The following HTT variants were observed in gnomAD, a reference collection of about 807,000 sequenced individuals.
HTT encodes the protein huntington disease protein.
In HTT, 104 loss-of-function variants were observed where a neutral mutation model predicts 362.3. The ratio of observed to expected loss-of-function variants is 0.29; its 90% CI spans 0.24 to 0.34. HTT has a LOEUF of 0.34. Ranked by LOEUF, HTT falls within the 10% of genes least tolerant of loss-of-function variation. The pLI is 1.00. For missense variants in HTT, 3,301 were observed against 3,928.6 expected, an observed-to-expected ratio of 0.84 and a Z score of 4.27; for synonymous variants, 1,577 against 1,548.7, an observed-to-expected ratio of 1.02 and a Z score of -0.43.
chr4:3,206,750 C>G lies in HTT; in HGVS notation c.5899-57C>G. 1.9e-6 allele frequency: 3 copies of G among 1,586,984 alleles called. No individual in the cohort carries two copies. Among genetic ancestry groups the G allele is most frequent in the Middle Eastern group, 1.7e-4 (1 of 5,928 alleles). On this transcript the variant is annotated intron_variant, in intron 43 of 66. Coordinates refer to ENST00000355072, the MANE Select transcript of HTT (RefSeq NM_001388492.1). The surrounding 1 kb of genome is among the most constrained non-coding windows in gnomAD (Gnocchi z 4.6). ...AAAAATGGAGTATTGAAATTTTTAA[C>G]TTTAATTTCTGATTTGCAAAATAGT...
chr4:3,094,510 A>T (rs1336253247), intron 2 of HTT, among the ~76,000 whole-genome samples: 1 of 144,492 alleles, frequency 6.9e-6, no homozygotes, highest in Non-Finnish European at 1.5e-5. Context: ...GGCGCCCCCC[A>T]ACCTCCCAGA....
At chr4:3,232,780 C>T (rs1401879400) in intron 60 of HTT, among the ~76,000 whole-genome samples, 6 of 152,342 alleles carry the variant, frequency 3.9e-5, no homozygotes, top group Middle Eastern at 3.4e-3. Flanking sequence ...CGTGACAGCG[C>T]GTGTGCAGTG....
intron 29 of HTT, among the ~76,000 whole-genome samples, chr4:3,167,349 G>A (rs1358955542): frequency 6.6e-6 from 1 of 152,154 alleles, no homozygotes; most frequent in African/African-American, 2.4e-5. Context: ...GGGATCACAG[G>A]TGTCAGCCAC....
intron 61 of HTT, 61 bp from the exon 62 acceptor site, chr4:3,235,223 G>A: frequency 8.4e-7 from 1 of 1,192,188 alleles, no homozygotes; most frequent in Non-Finnish European, 1.2e-6. Context: ...CGGACATGCT[G>A]TGAAGCCCTC....
At chr4:3,205,429 G>A (rs867833160) in intron 42 of HTT, among the ~76,000 whole-genome samples, 2 of 152,002 alleles carry the variant, frequency 1.3e-5, no homozygotes, top group South Asian at 4.2e-4. Flanking sequence ...TTTATTAATA[G>A]TCACTTTTTG....
At chr4:3,169,821 G>A (rs111331630) in intron 29 of HTT, among the ~76,000 whole-genome samples, 2,297 of 152,278 alleles carry the variant, frequency 0.015, 51 homozygotes, top group African/African-American at 0.053. Context: ...TGATTCATCC[G>A]CCTCGGTCTC....
chr4:3,214,167 A>G (rs1392270627), intron 50 of HTT, 32 bp downstream of exon 50: 4 of 1,415,004 alleles, frequency 2.8e-6, no homozygotes, highest in South Asian at 1.6e-5. Context: ...GTGGGTTCCT[A>G]TCATAGTTCC....
rs1343949633 is a variant in HTT at position 3,217,784 on chromosome 4, A to G, written c.7074A>G (p.Ala2358=). The part of the protein sequence containing the change: ...PNTQNPKYIT[A]ACEMVAEMVE... ...GTTTAGATCCTAAGTATATCACTGC[A>G]GCCTGTGAGATGGTGGCAGAAATGG... Residue 2358 remains alanine, a synonymous_variant, in exon 52 of 67, where the codon GCA becomes GCG. Transcript: ENST00000355072. 6 of 1,613,700 alleles carry G rather than the reference A, an allele frequency of 3.7e-6. No homozygotes were observed. The East Asian group carries it at 1.3e-4, about 36-fold the overall frequency.
chr4:3,089,051 G>A (rs1248754735), intron 2 of HTT, among the ~76,000 whole-genome samples: 3 of 152,204 alleles, frequency 2.0e-5, no homozygotes, highest in Admixed American at 6.5e-5. Context: ...ACCTGTGTAA[G>A]CTGGGTGACT....
chr4:3,189,158 A>G lies in HTT; in HGVS notation c.5368+65A>G, dbSNP rs111524756. ...CCCATTCTGCACTATACACTCTCAG[A>G]GTGTAGGAGCTGTGCTGCCCGGTAG... is the stretch of plus-strand genomic sequence containing the variant. On this transcript the variant is annotated intron_variant, in intron 40 of 66. Transcript: ENST00000355072. 2,549 of 1,526,224 alleles carry G rather than the reference A, an allele frequency of 1.7e-3. 4 individuals are homozygous for G. Among genetic ancestry groups the G allele is most frequent in the Non-Finnish European group, 2.1e-3 (2,380 of 1,112,688 alleles). 94.5% of individuals were successfully genotyped at this position (1,526,224 alleles called of 1,614,324 possible). A position where few individuals can be genotyped will look rare whatever the true frequency, so the allele number is the denominator to read the frequency against.
chr4:3,210,051 T>C lies in HTT; in HGVS notation c.6414+102T>C, dbSNP rs566282113. The C allele has an allele frequency of 4.7e-5, 68 of 1,436,056 alleles. 1 individual carries two copies. The South Asian group carries it at 8.0e-4, about 17-fold the overall frequency. 89.0% of individuals were successfully genotyped at this position (1,436,056 alleles called of 1,614,324 possible). ...GTGACCCACTTGTTGACAACACATG[T>C]TGGGGACTCCAGTCTGGGCAGGGAC... On this transcript the variant is annotated intron_variant, in intron 47 of 66. Coordinates refer to ENST00000355072, the MANE Select transcript of HTT (RefSeq NM_001388492.1).
rs534806729 is a variant in HTT, at chr4:3,224,398, G to A, written c.7765+267G>A. Among the ~76,000 whole-genome samples the A allele has an allele frequency of 1.1e-4, 16 of 152,346 alleles. No homozygotes were observed. The South Asian group carries it at 2.7e-3, about 26-fold the overall frequency. Reference sequence around the variant, plus strand: ...TTCTCACGGGCTGTAAGACCAGCAGGATTTAAAAGTTGAATTAGTTGCTTA... The same window carrying A: ...TTCTCACGGGCTGTAAGACCAGCAGAATTTAAAAGTTGAATTAGTTGCTTA... On this transcript the variant is annotated intron_variant, in intron 56 of 66. Transcript: ENST00000355072.
chr4:3,231,224 G>T (rs575634633), intron 60 of HTT, among the ~76,000 whole-genome samples: 13 of 152,354 alleles, frequency 8.5e-5, no homozygotes, highest in African/African-American at 3.1e-4. Flanking sequence ...TGTGCCAGCC[G>T]TCTGGGGCCC....
intron 42 of HTT, 27 bp downstream of exon 42, chr4:3,204,175 G>T: frequency 6.2e-7 from 1 of 1,613,290 alleles, no homozygotes; most frequent in South Asian, 1.1e-5. Context: ...TGTAAACGGG[G>T]TTGAGGGAGG....
rs71180116 is a variant in HTT at position 3,074,876 on chromosome 4, CCAGCAGCAGCAGCAGCAG to C, written c.93_110del (p.Gln33_Gln38del). 8.5e-4 allele frequency: 1,157 copies of C among 1,357,712 alleles called. 3 individuals are homozygous for C. The highest frequency in any genetic ancestry group is 3.1e-3 in the African/African-American group (191 of 61,328). 84.1% of individuals were successfully genotyped at this position (1,357,712 alleles called of 1,614,324 possible). ...AGGCCTTCGAGTCCCTCAAGTCCTT[CCAGCAGCAGCAGCAGCAG>C]CAGCAGCAGCAGCAGCAGCAGCAGC... On this transcript the variant is annotated inframe_deletion, in exon 1 of 67. Coordinates refer to ENST00000355072, the MANE Select transcript of HTT (RefSeq NM_001388492.1).
intron 26 of HTT, among the ~76,000 whole-genome samples, chr4:3,152,585 T>C (rs1716952584): frequency 6.6e-6 from 1 of 152,238 alleles, no homozygotes. Flanking sequence ...ACCTGCCTTC[T>C]GTCTCTGTGA....
intron 2 of HTT, among the ~76,000 whole-genome samples, chr4:3,088,897 G>C (rs1461599713): frequency 6.6e-6 from 1 of 152,036 alleles, no homozygotes; most frequent in Non-Finnish European, 1.5e-5. Flanking sequence ...CTAATTTGTG[G>C]AAATGTTGTG....
intron 9 of HTT, 87 bp downstream of exon 9, chr4:3,121,519 AGCAGTCT>A: frequency 1.2e-6 from 1 of 838,848 alleles, no homozygotes. Flanking sequence ...CCCTGTGCTA[AGCAGTCT>A]GCATTCCATC....
At chr4:3,158,439 A>G (rs1368371668) in intron 28 of HTT, among the ~76,000 whole-genome samples, 2 of 152,330 alleles carry the variant, frequency 1.3e-5, no homozygotes, top group South Asian at 2.1e-4. Context: ...GGGAGAACTT[A>G]TACCTCAGAT....
Sources: allele counts gnomAD v4.1 joint callset (sites outside exome capture counted in the v4.1 genomes callset), GRCh38; gene constraint gnomAD v4.1.1; non-coding constraint Gnocchi (gnomAD v3.1); transcripts MANE v1.5; gene names NCBI Gene and HGNC (gene_info 2026-07-23, HGNC 2026-07-21).